The following SLC23A2 variants were observed in gnomAD, a reference collection of about 807,000 sequenced individuals.
SLC23A2 encodes Na(+)/L-ascorbic acid transporter 2.
Under a neutral mutation model 73.3 loss-of-function variants are expected in SLC23A2, and 36 were observed. The observed-to-expected ratio is 0.49, with a 90% confidence interval of 0.38 to 0.65. The LOEUF (loss-of-function observed/expected upper bound fraction) is 0.65. SLC23A2 is among the 30% of genes least tolerant of loss of function. The probability of loss-of-function intolerance (pLI) is 0.00; values close to 1 mark genes in which losing one functional copy is unlikely to be tolerated. For missense variants in SLC23A2, 507 were observed against 841.6 expected (o/e 0.60, Z 4.92); for synonymous variants, 343 against 327.3 (o/e 1.05, Z -0.52).
chr20:4,917,757 T>C (rs1932375230), intron 3 of SLC23A2, among the ~76,000 whole-genome samples: 1 of 152,138 alleles, frequency 6.6e-6, no homozygotes, highest in South Asian at 2.1e-4. Context: ...CTCCTCTCCA[T>C]GCTACCCCCA....
Position 4,910,667 on chromosome 20 carries a change from C to T in SLC23A2, c.207+2213G>A, listed in dbSNP as rs146422861. On this transcript the variant is annotated intron_variant, in intron 4 of 16. Coordinates refer to ENST00000338244, the MANE Select transcript of SLC23A2 (RefSeq NM_005116.6). ...GCCAGGCTGGTCTTGAACTCCTGAC[C>T]TCAAGTGATCCACCCATCTCGGCCT... is the stretch of plus-strand genomic sequence containing the variant. 3.5e-3 allele frequency among the ~76,000 whole-genome samples: 533 copies of T among 152,234 alleles called. 1 individual carries two copies. Among genetic ancestry groups the T allele is most frequent in the African/African-American group, 0.012 (493 of 41,542 alleles).
At position 4,886,377 on chromosome 20, in the gene SLC23A2, T is replaced by C. The variant is rs1395854704; in HGVS notation, c.483-468A>G. Among the ~76,000 whole-genome samples, 4 of 152,262 alleles carry C rather than the reference T, an allele frequency of 2.6e-5. 1 individual carries two copies. Among genetic ancestry groups the C allele is most frequent in the African/African-American group, 9.6e-5 (4 of 41,476 alleles). On this transcript the variant is annotated intron_variant, in intron 6 of 16. Coordinates refer to ENST00000338244, the MANE Select transcript of SLC23A2 (RefSeq NM_005116.6). ...TTGTTTCATTTTGTAAATCAAAAAC[T>C]GCCCTAATCACCGATTACAGATAAA...
At chr20:4,871,206 T>C (rs1428839844) in intron 11 of SLC23A2, among the ~76,000 whole-genome samples, 3 of 152,142 alleles carry the variant, frequency 2.0e-5, no homozygotes, top group East Asian at 1.9e-4. Flanking sequence ...TGGTCTCTCA[T>C]GCAGGAGCCA....
intron 3 of SLC23A2, among the ~76,000 whole-genome samples, chr20:4,918,938 G>A (rs899497410): frequency 3.3e-5 from 5 of 152,124 alleles, no homozygotes; most frequent in Admixed American, 3.3e-4. Context: ...TGCACACACC[G>A]TTATTTCCTC....
chr20:4,955,120 G>T (rs891945302), intron 2 of SLC23A2, among the ~76,000 whole-genome samples: 3 of 151,932 alleles, frequency 2.0e-5, no homozygotes, highest in Non-Finnish European at 4.4e-5. Context: ...GGACATGGTG[G>T]TGCATGCCTG....
intron 6 of SLC23A2, among the ~76,000 whole-genome samples, chr20:4,886,334 G>T (rs961548122): frequency 1.3e-5 from 2 of 152,126 alleles, no homozygotes; most frequent in African/African-American, 4.8e-5. Context: ...GGTTATCACA[G>T]GAACAAATTT....
intron 6 of SLC23A2, among the ~76,000 whole-genome samples, chr20:4,888,807 T>G (rs1358954632): frequency 6.6e-6 from 1 of 152,228 alleles, no homozygotes; most frequent in Non-Finnish European, 1.5e-5. Context: ...TTTGTCAAGA[T>G]TTCTGCAAGT....
chr20:4,913,043 A>G (rs2122895920), intron 3 of SLC23A2, 65 bp from the exon 4 acceptor site: 1 of 1,051,398 alleles, frequency 9.5e-7, no homozygotes, highest in African/African-American at 1.6e-5. Flanking sequence ...CCCGAAAGCC[A>G]TTTGTAATTC....
rs879051172 is a variant in SLC23A2 at position 4,854,572 on chromosome 20, C to T, written c.*2400G>A. ...TCGGACAGAATTATTGGGTTGGCCA[C>T]AGTGGAATCAGAACAGGAAACTCTC... On this transcript the variant is annotated 3_prime_UTR_variant, in exon 17 of 17. Coordinates refer to ENST00000338244, the MANE Select transcript of SLC23A2 (RefSeq NM_005116.6). The T allele has an allele frequency of 6.6e-6, 1 of 152,196 alleles. No individual in the cohort carries two copies. The highest frequency in any genetic ancestry group is 6.5e-5 in the Admixed American group (1 of 15,276). 9.4% of individuals were successfully genotyped at this position (152,196 alleles called of 1,614,324 possible).
chr20:4,992,503 GTTTTTT>G (rs140932210), intron 1 of SLC23A2, among the ~76,000 whole-genome samples: 2 of 95,746 alleles, frequency 2.1e-5, no homozygotes, highest in Non-Finnish European at 2.0e-5. Flanking sequence ...AAGATTGACA[GTTTTTT>G]TTTTTTTTTT....
intron 9 of SLC23A2, among the ~76,000 whole-genome samples, chr20:4,879,439 C>T (rs925260712): frequency 7.5e-6 from 1 of 133,120 alleles, no homozygotes; most frequent in Non-Finnish European, 1.6e-5. Flanking sequence ...AAAAATCCTC[C>T]TATTCTCACA....
intron 1 of SLC23A2, among the ~76,000 whole-genome samples, chr20:4,986,946 T>G (rs1164832178): frequency 6.6e-6 from 1 of 152,066 alleles, no homozygotes; most frequent in African/African-American, 2.4e-5. Flanking sequence ...TCCATCCACC[T>G]CTCAGGGTTC....
At chr20:4,914,201 C>T (rs775060602) in intron 3 of SLC23A2, among the ~76,000 whole-genome samples, 12 of 151,278 alleles carry the variant, frequency 7.9e-5, no homozygotes, top group Non-Finnish European at 1.6e-4. Context: ...TATCAATATG[C>T]GTAAAGAACA....
chr20:4,922,450 G>A (rs1932527275), intron 3 of SLC23A2, among the ~76,000 whole-genome samples: 1 of 152,190 alleles, frequency 6.6e-6, no homozygotes, highest in South Asian at 2.1e-4. Flanking sequence ...TCCTGTCACA[G>A]CATTTAGCAA....
At chr20:4,968,867 C>T (rs974317413) in intron 2 of SLC23A2, among the ~76,000 whole-genome samples, 7 of 151,488 alleles carry the variant, frequency 4.6e-5, no homozygotes, top group East Asian at 1.9e-4. Context: ...TACAGGTGTG[C>T]GCCACCATGC....
intron 3 of SLC23A2, among the ~76,000 whole-genome samples, chr20:4,920,836 G>A (rs896975737): frequency 1.3e-5 from 2 of 152,230 alleles, no homozygotes; most frequent in African/African-American, 4.8e-5. Flanking sequence ...GGCTGGTGGT[G>A]CGGCTGGTTC....
At chr20:4,988,756 GA>G (rs1192729100) in intron 1 of SLC23A2, among the ~76,000 whole-genome samples, 1,880 of 144,702 alleles carry the variant, frequency 0.013, 35 homozygotes, top group African/African-American at 0.043. Context: ...AAGAAAGAAA[GA>G]AAAAAAAAAT....
At chr20:5,005,682 G>T (rs2088182714), upstream of SLC23A2, among the ~76,000 whole-genome samples, 1 of 152,106 alleles carries the variant, frequency 6.6e-6, no homozygotes, top group South Asian at 2.1e-4. Context: ...CATTATATAG[G>T]TACAGTACTT....
intron 3 of SLC23A2, among the ~76,000 whole-genome samples, chr20:4,923,101 T>A (rs1204572312): frequency 1.3e-5 from 2 of 151,948 alleles, no homozygotes; most frequent in Admixed American, 6.6e-5. Context: ...GGAAAAAAAA[T>A]TAATTTTTAA....
Sources: allele counts gnomAD v4.1 joint callset (sites outside exome capture counted in the v4.1 genomes callset), GRCh38; gene constraint gnomAD v4.1.1; transcripts MANE v1.5; gene names NCBI Gene and HGNC (gene_info 2026-07-23, HGNC 2026-07-21).